Variants in NEK11 observed in about 807,000 individuals in gnomAD.
NEK11 encodes NIMA related kinase 11, also known as serine/threonine-protein kinase Nek11.
Under a neutral mutation model 80.7 loss-of-function variants are expected in NEK11, and 72 were observed. The observed-to-expected ratio is 0.89, with a 90% CI of 0.74 to 1.08. The LOEUF (loss-of-function observed/expected upper bound fraction) is 1.08. NEK11 is among the 50% of genes least tolerant of loss of function. The pLI is 0.00. For synonymous variants in NEK11, 251 were observed against 260.7 expected (o/e 0.96, Z 0.36); for missense variants, 764 against 763.6 (o/e 1.00, Z -0.01).
chr3:131,109,733 C>A, intron 4 of NEK11, 70 bp from the exon 5 acceptor site: 1 of 1,453,184 alleles, frequency 6.9e-7, no homozygotes, highest in Non-Finnish European at 9.2e-7. Flanking sequence ...TATGTATTAA[C>A]TGTTGTTAAG....
At chr3:131,037,394 C>T (rs189675397) in intron 3 of NEK11, among the ~76,000 whole-genome samples, 1 of 152,082 alleles carries the variant, frequency 6.6e-6, no homozygotes, top group African/African-American at 2.4e-5. Flanking sequence ...AGCAATTCTC[C>T]TACCTCAGCC....
At chr3:131,332,159 C>T (rs1179864371) in intron 17 of NEK11, among the ~76,000 whole-genome samples, 2 of 152,234 alleles carry the variant, frequency 1.3e-5, no homozygotes, top group Non-Finnish European at 2.9e-5. Flanking sequence ...GGCAGACTGC[C>T]TCCTCAAGTG....
chr3:131,149,436 T>A (rs1262423269), intron 7 of NEK11, among the ~76,000 whole-genome samples: 1 of 152,122 alleles, frequency 6.6e-6, no homozygotes, highest in Non-Finnish European at 1.5e-5. Flanking sequence ...AACATATGCA[T>A]GCATGTGTCT....
chr3:131,129,104 T>C (rs1325641272), intron 5 of NEK11, among the ~76,000 whole-genome samples: 1 of 145,724 alleles, frequency 6.9e-6, no homozygotes, highest in African/African-American at 2.5e-5. Context: ...CGCAGGCGTG[T>C]CAGAGTCGCA....
intron 3 of NEK11, among the ~76,000 whole-genome samples, chr3:131,063,844 T>C (rs2071374551): frequency 6.6e-6 from 1 of 151,964 alleles, no homozygotes; most frequent in South Asian, 2.1e-4. Flanking sequence ...CCAAAAGACA[T>C]AAAAACATAT....
chr3:131,217,064 C>G (rs909007160), intron 14 of NEK11, among the ~76,000 whole-genome samples: 1 of 152,196 alleles, frequency 6.6e-6, no homozygotes, highest in Non-Finnish European at 1.5e-5. Context: ...GCAATCTTAA[C>G]TGCTGTCACC....
At chr3:131,153,480 C>T (rs976811050) in intron 9 of NEK11, among the ~76,000 whole-genome samples, 2 of 151,968 alleles carry the variant, frequency 1.3e-5, no homozygotes, top group Admixed American at 6.6e-5. Flanking sequence ...AGAAAATGGT[C>T]CCCTCTTTAG....
At chr3:131,060,577 G>A (rs1259563188) in intron 3 of NEK11, among the ~76,000 whole-genome samples, 1 of 152,046 alleles carries the variant, frequency 6.6e-6, no homozygotes, top group Non-Finnish European at 1.5e-5. Flanking sequence ...TATTTTCAGA[G>A]ATCTAAAAGG....
chr3:131,304,466 A>G (rs1461804071), intron 17 of NEK11, among the ~76,000 whole-genome samples: 2 of 152,212 alleles, frequency 1.3e-5, no homozygotes, highest in African/African-American at 4.8e-5. Flanking sequence ...AGGTAAGAAG[A>G]CACTCTGACT....
chr3:131,086,508 GT>G (rs1251825689), intron 4 of NEK11, among the ~76,000 whole-genome samples: 2 of 152,172 alleles, frequency 1.3e-5, no homozygotes, highest in Non-Finnish European at 2.9e-5. Flanking sequence ...TACCGTCACT[GT>G]TTATTTTGTT....
chr3:131,306,322 G>C (rs1341524506), intron 17 of NEK11, among the ~76,000 whole-genome samples: 2 of 152,156 alleles, frequency 1.3e-5, no homozygotes, highest in Admixed American at 6.6e-5. Flanking sequence ...AAACTCTGCT[G>C]TAAATGGGCC....
At chr3:131,044,449 G>C (rs55933914) in intron 3 of NEK11, among the ~76,000 whole-genome samples, 2 of 138,724 alleles carry the variant, frequency 1.4e-5, no homozygotes, top group East Asian at 4.3e-4. Context: ...AAAAAGGTGG[G>C]GGGGGGGGTT....
intron 17 of NEK11, among the ~76,000 whole-genome samples, chr3:131,322,437 C>T (rs970351729): frequency 1.6e-4 from 25 of 152,026 alleles, no homozygotes; most frequent in African/African-American, 6.0e-4. Context: ...TATGCATGCC[C>T]CCAAATCTAA....
At chr3:131,333,681 TAA>T (rs1358481646) in intron 17 of NEK11, among the ~76,000 whole-genome samples, 1 of 152,104 alleles carries the variant, frequency 6.6e-6, no homozygotes, top group Non-Finnish European at 1.5e-5. Context: ...GCAAATTGGA[TAA>T]AGAGTCAAGA....
At chr3:131,044,262 T>C (rs1229182739) in intron 3 of NEK11, among the ~76,000 whole-genome samples, 1 of 151,884 alleles carries the variant, frequency 6.6e-6, no homozygotes, top group Admixed American at 6.5e-5. Context: ...TAACCTCAAA[T>C]GTAAATGGGC....
intron 7 of NEK11, among the ~76,000 whole-genome samples, chr3:131,142,181 G>T (rs1483558310): frequency 6.6e-6 from 1 of 152,220 alleles, no homozygotes; most frequent in Non-Finnish European, 1.5e-5. Flanking sequence ...CACTCAGTTA[G>T]TTGTGACACA....
At position 131,165,433 on chromosome 3, in the gene NEK11, G is replaced by A. The variant is rs2092117785; in HGVS notation, c.1090G>A (p.Val364Met). The A allele has an allele frequency of 6.2e-7, 1 of 1,601,446 alleles. No homozygotes were observed. The highest frequency in any genetic ancestry group is 1.1e-5 in the South Asian group (1 of 90,690). ...DEKARKLKKIVEEKYEENSKR... is the reference protein window; with the variant it reads ...DEKARKLKKIMEEKYEENSKR... ...TTCACTTTAAATTTACAGAAAGATT[G>A]TGGAAGAAAAATATGAAGAAAATAG... is the stretch of plus-strand genomic sequence containing the variant. The change falls in exon 12 of 18, where the codon GTG (valine) becomes ATG (methionine). Residue 364 changes from valine (V) to methionine (M), a missense_variant. Val to Met is a conservative substitution (Grantham distance 21). Transcript: ENST00000383366.
At chr3:131,054,210 G>A (rs973071979) in intron 3 of NEK11, among the ~76,000 whole-genome samples, 1 of 152,124 alleles carries the variant, frequency 6.6e-6, no homozygotes, top group Non-Finnish European at 1.5e-5. Context: ...AATTAGCCGG[G>A]TGTGGTCCCA....
intron 14 of NEK11, chr3:131,174,974 G>A: frequency 7.2e-7 from 1 of 1,384,374 alleles, no homozygotes; most frequent in African/African-American, 1.5e-5. Context: ...CAATCACTGA[G>A]CCCAATGCTC....
Sources: allele counts gnomAD v4.1 joint callset (sites outside exome capture counted in the v4.1 genomes callset), GRCh38; gene constraint gnomAD v4.1.1; transcripts MANE v1.5; gene names NCBI Gene and HGNC (gene_info 2026-07-23, HGNC 2026-07-21).